PDS5A: variants seen among roughly 807,000 people sequenced by gnomAD.
The protein encoded by PDS5A is sister chromatid cohesion protein PDS5 homolog A.
PDS5A carries 42 observed loss-of-function variants against 167.1 expected under a neutral mutation model. That is an observed-to-expected ratio of 0.25 (90% CI 0.20 to 0.33). The LOEUF (loss-of-function observed/expected upper bound fraction) is 0.33. Ranked by LOEUF, PDS5A falls within the 10% of genes least tolerant of loss-of-function variation. PDS5A has a pLI of 1.00. For synonymous variants in PDS5A, 553 were observed against 554.6 expected (o/e 1.00, Z 0.04); for missense variants, 1,033 against 1,605.9 (o/e 0.64, Z 6.10).
At chr4:39,959,843 C>A (rs1729312096) in intron 2 of PDS5A, among the ~76,000 whole-genome samples, 1 of 151,924 alleles carries the variant, frequency 6.6e-6, no homozygotes. Flanking sequence ...GTAAACCCAG[C>A]ACTTTTGGAG....
chr4:39,832,687 CA>C (rs1716016714), intron 32 of PDS5A, among the ~76,000 whole-genome samples: 1 of 151,878 alleles, frequency 6.6e-6, no homozygotes, highest in Non-Finnish European at 1.5e-5. Flanking sequence ...CAGCAAGACC[CA>C]AAAAATTTAA....
Position 39,874,346 on chromosome 4 carries a change from C to T in PDS5A, c.2220G>A (p.Val740=). The T allele has an allele frequency of 6.2e-7, 1 of 1,612,374 alleles. No individual in the cohort carries two copies. Among genetic ancestry groups the T allele is most frequent in the Non-Finnish European group, 8.5e-7 (1 of 1,178,514 alleles). The part of the protein sequence containing the change: ...RGTPHQAKQA[V]HCIHAIFTNK... ...TTGTGAATATGGCGTGTATACAGTG[C>T]ACAGCCTGTTTTGCTTGGTGTGGAG... Residue 740 remains valine, a synonymous_variant, in exon 20 of 33, where the codon GTG becomes GTA. Coordinates refer to ENST00000303538, the MANE Select transcript of PDS5A (RefSeq NM_001100399.2).
chr4:39,937,916 G>A (rs1726783857), intron 2 of PDS5A, among the ~76,000 whole-genome samples: 1 of 152,164 alleles, frequency 6.6e-6, no homozygotes, highest in Non-Finnish European at 1.5e-5. Context: ...GCCTAAAGCT[G>A]CTTCCTTGCA....
chr4:39,900,389 A>G (rs1722776702), intron 14 of PDS5A, 37 bp downstream of exon 14: 1 of 1,297,938 alleles, frequency 7.7e-7, no homozygotes, highest in Non-Finnish European at 1.1e-6. Context: ...AACAGTGACT[A>G]TAATAAACTA....
chr4:39,944,656 T>C (rs919593421), intron 2 of PDS5A, among the ~76,000 whole-genome samples: 3 of 131,002 alleles, frequency 2.3e-5, no homozygotes, highest in African/African-American at 9.2e-5. Flanking sequence ...ATCACACCAC[T>C]ACACTCCAGC....
At chr4:39,828,918 TG>T (rs1388109018) in intron 32 of PDS5A, among the ~76,000 whole-genome samples, 1 of 152,062 alleles carries the variant, frequency 6.6e-6, no homozygotes, top group Non-Finnish European at 1.5e-5. Context: ...AATAAAAGAC[TG>T]ATAAATTGGG....
intron 11 of PDS5A, 89 bp from the exon 12 acceptor site, chr4:39,904,280 G>A: frequency 1.4e-6 from 1 of 706,308 alleles, no homozygotes; most frequent in East Asian, 3.0e-5. Flanking sequence ...AGGTTGTACA[G>A]TCTTATGTGT....
chr4:39,904,396 T>G (rs7699045), intron 11 of PDS5A, among the ~76,000 whole-genome samples: 1 of 152,056 alleles, frequency 6.6e-6, no homozygotes, highest in Non-Finnish European at 1.5e-5. Flanking sequence ...TGGAGTGCAG[T>G]GGCAGGATCT....
At chr4:39,906,151 T>C (rs1404765389) in intron 11 of PDS5A, among the ~76,000 whole-genome samples, 1 of 152,140 alleles carries the variant, frequency 6.6e-6, no homozygotes, top group East Asian at 1.9e-4. Context: ...ACAGATCCCT[T>C]GAGCCCAGAA....
intron 30 of PDS5A, among the ~76,000 whole-genome samples, chr4:39,842,419 T>C (rs1717110496): frequency 1.3e-5 from 2 of 152,284 alleles, no homozygotes; most frequent in South Asian, 4.1e-4. Flanking sequence ...CATAGTATAG[T>C]TGTCATTTCC....
chr4:39,870,463 G>A (rs1415665595), intron 21 of PDS5A, among the ~76,000 whole-genome samples: 4 of 151,678 alleles, frequency 2.6e-5, no homozygotes, highest in African/African-American at 7.3e-5. Context: ...GGCGTGTGCT[G>A]ATAGTCCCAG....
rs542562713 is a variant in PDS5A, at chr4:39,914,313, C to G, written c.877-587G>C. Reference sequence around the variant, plus strand: ...AGTAGCTGGGATTACAGGCGCCCACCACCGCACCAGGCTAATTTTCACATT... The same window carrying G: ...AGTAGCTGGGATTACAGGCGCCCACGACCGCACCAGGCTAATTTTCACATT... On this transcript the variant is annotated intron_variant, in intron 8 of 32. Transcript: ENST00000303538. Among the ~76,000 whole-genome samples, 425 of 152,122 alleles carry G rather than the reference C, an allele frequency of 2.8e-3. 1 individual carries two copies. Among genetic ancestry groups the G allele is most frequent in the African/African-American group, 9.6e-3 (400 of 41,512 alleles).
chr4:39,848,453 C>T, intron 28 of PDS5A: 1 of 184,008 alleles, frequency 5.4e-6, no homozygotes, highest in Non-Finnish European at 1.1e-5. Context: ...AGCAATTGTC[C>T]ATATGTATTA....
intron 7 of PDS5A, among the ~76,000 whole-genome samples, chr4:39,918,505 G>A (rs1724619078): frequency 6.6e-6 from 1 of 152,066 alleles, no homozygotes; most frequent in African/African-American, 2.4e-5. Context: ...ACTGATACAA[G>A]CATACACTTC....
In PDS5A at chr4:39,869,409, A is replaced by T. The variant is rs1276563104; in HGVS notation, c.2490T>A (p.Pro830=). 1 of 1,596,916 alleles carries T rather than the reference A, an allele frequency of 6.3e-7. No homozygotes were observed. The highest frequency in any genetic ancestry group is 8.6e-7 in the Non-Finnish European group (1 of 1,164,324). Residue 830 remains proline (P), a synonymous_variant, in exon 22 of 33, where the codon CCT becomes CCA. Transcript: ENST00000303538. ...KLWSPDEEVS[P]EVLAKVQAIK... is the part of the protein sequence containing the mutation. ...ACAAATTTACCTTTGCTAGTACTTC[A>T]GGGGAAACCTCTTCATCTGGAGACC... is the stretch of plus-strand genomic sequence containing the variant.
At chr4:39,920,761 A>G (rs1311562441) in intron 6 of PDS5A, among the ~76,000 whole-genome samples, 1 of 152,136 alleles carries the variant, frequency 6.6e-6, no homozygotes, top group Non-Finnish European at 1.5e-5. Context: ...AAACACATAC[A>G]CTCCCTGATC....
intron 2 of PDS5A, among the ~76,000 whole-genome samples, chr4:39,956,407 C>T (rs1014971053): frequency 1.3e-5 from 2 of 148,676 alleles, no homozygotes; most frequent in African/African-American, 2.5e-5. Context: ...GTGGGAGGAT[C>T]GCTTGAACCC....
chr4:39,970,929 G>C (rs760989556), intron 2 of PDS5A, among the ~76,000 whole-genome samples: 5 of 149,298 alleles, frequency 3.3e-5, no homozygotes, highest in Non-Finnish European at 5.9e-5. Context: ...CTCCTGAGTA[G>C]CTACGACCAT....
At chr4:39,920,600 G>A (rs1176112480) in intron 6 of PDS5A, among the ~76,000 whole-genome samples, 2 of 152,174 alleles carry the variant, frequency 1.3e-5, no homozygotes, top group Non-Finnish European at 2.9e-5. Context: ...TGCAGACGTT[G>A]CAAATCGAAC....
Sources: gnomAD v4.1 joint callset for allele counts (sites outside exome capture counted in the v4.1 genomes callset) on GRCh38, gnomAD v4.1.1 for gene constraint, MANE v1.5 for transcripts, NCBI Gene and HGNC (gene_info 2026-07-23, HGNC 2026-07-21) for gene names.